The following FBXL7 variants were observed in gnomAD, a reference collection of about 807,000 sequenced individuals.
The protein encoded by FBXL7 is F-box and leucine rich repeat protein 7.
FBXL7 carries 12 observed loss-of-function variants against 38.3 expected under a neutral mutation model. The observed-to-expected ratio is 0.31, with a 90% CI of 0.20 to 0.51. FBXL7 has a LOEUF of 0.51. Among genes scored for constraint, FBXL7 ranks in the 20% least tolerant of loss-of-function variants. The pLI, the probability that FBXL7 is intolerant of heterozygous loss-of-function variation, is 0.98. For missense variants in FBXL7, 567 were observed against 676.4 expected (o/e 0.84, Z 1.79); for synonymous variants, 297 against 300.9 (o/e 0.99, Z 0.13).
intron 1 of FBXL7, among the ~76,000 whole-genome samples, chr5:15,500,928 A>G (rs1736471201): frequency 6.6e-6 from 1 of 152,092 alleles, no homozygotes; most frequent in African/African-American, 2.4e-5. Context: ...TCTTTAAGCA[A>G]CTTCCCAGTT....
chr5:15,841,118 A>G (rs1297345420), intron 2 of FBXL7, among the ~76,000 whole-genome samples: 2 of 152,078 alleles, frequency 1.3e-5, no homozygotes, highest in East Asian at 1.9e-4. Flanking sequence ...ATCAGTTAGT[A>G]TAACTTTGCT....
intron 2 of FBXL7, among the ~76,000 whole-genome samples, chr5:15,863,468 G>T (rs1739567305): frequency 6.6e-6 from 1 of 152,168 alleles, no homozygotes; most frequent in Admixed American, 6.5e-5. Flanking sequence ...GTGGGCTAGG[G>T]TCATAAAATA....
rs189475075 is a variant in FBXL7 at position 15,876,220 on chromosome 5, A to G, written c.128-51670A>G. On this transcript the variant is annotated intron_variant, in intron 2 of 3. Coordinates refer to ENST00000504595, the MANE Select transcript of FBXL7 (RefSeq NM_012304.5). ...ACAATGAGAACACATGGATACAGGG[A>G]AGGGAACATCGCACATGGGTGCCTG... is the stretch of plus-strand genomic sequence containing the variant. Among the ~76,000 whole-genome samples the G allele has an allele frequency of 3.0e-3, 463 of 152,238 alleles. 3 individuals carry two copies. Among genetic ancestry groups the G allele is most frequent in the African/African-American group, 0.011 (450 of 41,546 alleles).
At chr5:15,819,215 G>T (rs1026857026) in intron 2 of FBXL7, among the ~76,000 whole-genome samples, 1 of 152,138 alleles carries the variant, frequency 6.6e-6, no homozygotes, top group Non-Finnish European at 1.5e-5. Flanking sequence ...TACAGAAATG[G>T]CCTGGGTGGG....
intron 1 of FBXL7, among the ~76,000 whole-genome samples, chr5:15,563,492 A>G (rs1229782486): frequency 6.6e-6 from 1 of 152,132 alleles, no homozygotes; most frequent in African/African-American, 2.4e-5. Flanking sequence ...CTTTCACAGT[A>G]GAGGAACACT....
intron 2 of FBXL7, among the ~76,000 whole-genome samples, chr5:15,771,255 T>C (rs950791833): frequency 2.6e-5 from 4 of 152,188 alleles, no homozygotes; most frequent in Admixed American, 6.5e-5. Flanking sequence ...ATACATCTTA[T>C]TGACACTTTC....
intron 2 of FBXL7, among the ~76,000 whole-genome samples, chr5:15,843,307 C>T (rs1007754806): frequency 6.6e-6 from 1 of 152,184 alleles, no homozygotes; most frequent in African/African-American, 2.4e-5. Context: ...ATAACCCTTT[C>T]ACCACAGCAC....
chr5:15,854,172 T>A (rs886506751), intron 2 of FBXL7, among the ~76,000 whole-genome samples: 1 of 152,184 alleles, frequency 6.6e-6, no homozygotes, highest in Non-Finnish European at 1.5e-5. Context: ...GAAATCCATA[T>A]AATAAACAAC....
chr5:15,935,649 A>G (rs1486484222), intron 3 of FBXL7, among the ~76,000 whole-genome samples: 1 of 152,244 alleles, frequency 6.6e-6, no homozygotes, highest in Non-Finnish European at 1.5e-5. Context: ...TTCAAGGGCT[A>G]CAGCAACAAT....
intron 2 of FBXL7, among the ~76,000 whole-genome samples, chr5:15,686,902 G>A (rs180799440): frequency 8.3e-4 from 127 of 152,290 alleles, no homozygotes; most frequent in Non-Finnish European, 1.6e-3. Context: ...ATTGTCAAAC[G>A]CCTGGCCGAG....
At chr5:15,591,172 G>A (rs776214557) in intron 1 of FBXL7, among the ~76,000 whole-genome samples, 1 of 152,104 alleles carries the variant, frequency 6.6e-6, no homozygotes, top group Non-Finnish European at 1.5e-5. Context: ...GCTCACACCT[G>A]TAATCCCAGC....
intron 2 of FBXL7, among the ~76,000 whole-genome samples, chr5:15,790,398 A>G (rs1737243406): frequency 6.6e-6 from 1 of 152,030 alleles, no homozygotes; most frequent in African/African-American, 2.4e-5. Flanking sequence ...AAAATTAGAG[A>G]GTAGAGTTGT....
chr5:15,818,090 A>G (rs1308807418), intron 2 of FBXL7, among the ~76,000 whole-genome samples: 1 of 151,338 alleles, frequency 6.6e-6, no homozygotes, highest in Non-Finnish European at 1.5e-5. Context: ...TAATCTAGTA[A>G]GTTGTGTGTA....
intron 2 of FBXL7, among the ~76,000 whole-genome samples, chr5:15,691,068 C>T (rs539751188): frequency 1.4e-4 from 22 of 152,272 alleles, no homozygotes; most frequent in Admixed American, 6.5e-4. Context: ...CTTTCCCATC[C>T]CTCTTAATGA....
intron 2 of FBXL7, among the ~76,000 whole-genome samples, chr5:15,755,091 A>G (rs1209914930): frequency 6.6e-6 from 1 of 152,186 alleles, no homozygotes; most frequent in Non-Finnish European, 1.5e-5. Context: ...CAACTTCCAA[A>G]TTATTGAAAC....
At chr5:15,792,175 G>T (rs181856154) in intron 2 of FBXL7, among the ~76,000 whole-genome samples, 1 of 152,140 alleles carries the variant, frequency 6.6e-6, no homozygotes, top group Non-Finnish European at 1.5e-5. Context: ...ACCTGACATC[G>T]TAGCTGTCAA....
chr5:15,588,148 A>C (rs1197899486), intron 1 of FBXL7, among the ~76,000 whole-genome samples: 1 of 152,198 alleles, frequency 6.6e-6, no homozygotes, highest in East Asian at 1.9e-4. Context: ...GTACAGTTGA[A>C]TCCAAAGATT....
intron 2 of FBXL7, among the ~76,000 whole-genome samples, chr5:15,710,499 C>CA (rs1190680637): frequency 6.6e-6 from 1 of 152,030 alleles, no homozygotes; most frequent in Non-Finnish European, 1.5e-5. Context: ...TGCACATGCA[C>CA]AAAAAAACAC....
chr5:15,598,346 A>C (rs927804625), intron 1 of FBXL7, among the ~76,000 whole-genome samples: 3 of 152,222 alleles, frequency 2.0e-5, no homozygotes, highest in Admixed American at 6.5e-5. Flanking sequence ...AACCTTTCAT[A>C]GAGTCAGTCT....
Sources: allele counts gnomAD v4.1 joint callset (sites outside exome capture counted in the v4.1 genomes callset), GRCh38; gene constraint gnomAD v4.1.1; transcripts MANE v1.5; gene names NCBI Gene and HGNC (gene_info 2026-07-23, HGNC 2026-07-21).